BICC1: variants seen among roughly 807,000 people sequenced by gnomAD.
The protein encoded by BICC1 is protein bicaudal C homolog 1.
BICC1 carries 43 observed loss-of-function variants against 111.0 expected under a neutral mutation model. The observed-to-expected ratio is 0.39, with a 90% CI of 0.30 to 0.50. The LOEUF is 0.50. Among genes scored for constraint, BICC1 ranks in the 20% least tolerant of loss-of-function variants. The probability of loss-of-function intolerance (pLI) is 0.88; values close to 1 mark genes in which losing one functional copy is unlikely to be tolerated. For synonymous variants in BICC1, 467 were observed against 434.4 expected (o/e 1.07, Z -0.93); for missense variants, 1,091 against 1,203.2 (o/e 0.91, Z 1.38).
At chr10:58,628,907 T>C (rs1403215132) in intron 2 of BICC1, among the ~76,000 whole-genome samples, 1 of 152,182 alleles carries the variant, frequency 6.6e-6, no homozygotes, top group Non-Finnish European at 1.5e-5. Flanking sequence ...AAGGCCTCCA[T>C]AGATGTCACT....
chr10:58,694,069 G>A (rs1839996959), intron 2 of BICC1, among the ~76,000 whole-genome samples: 1 of 152,042 alleles, frequency 6.6e-6, no homozygotes, highest in Admixed American at 6.6e-5. Context: ...AAGTTCCTAT[G>A]GCTGAGCATC....
At chr10:58,828,701 T>G in intron 20 of BICC1, 60 bp from the exon 21 acceptor site, 1 of 1,564,206 alleles carries the variant, frequency 6.4e-7, no homozygotes, top group Non-Finnish European at 8.7e-7. Context: ...TAGTGCCATG[T>G]CCTGTAGTAT....
intron 1 of BICC1, among the ~76,000 whole-genome samples, chr10:58,612,968 T>C (rs1158349105): frequency 2.0e-5 from 3 of 151,856 alleles, no homozygotes. Context: ...TTTGGGGGGA[T>C]TGTAATAGTT....
chr10:58,729,798 T>C lies in BICC1; in HGVS notation c.307+27655T>C, dbSNP rs1841230368. 2.6e-5 allele frequency among the ~76,000 whole-genome samples: 4 copies of C among 152,312 alleles called. No homozygotes were observed. The South Asian group carries it at 8.3e-4, about 32-fold the overall frequency. On this transcript the variant is annotated intron_variant, in intron 3 of 20. Coordinates refer to ENST00000373886, the MANE Select transcript of BICC1 (RefSeq NM_001080512.3). ...TCTCGCAAGAATTCACTCACTATTG[T>C]GACGACAGTACCAAGGGGGACGCTG...
At chr10:58,685,062 A>G (rs1289997910) in intron 2 of BICC1, among the ~76,000 whole-genome samples, 1 of 152,126 alleles carries the variant, frequency 6.6e-6, no homozygotes, top group East Asian at 1.9e-4. Context: ...AGACTCTGGT[A>G]TGTTGTGTCT....
intron 2 of BICC1, among the ~76,000 whole-genome samples, chr10:58,670,090 T>C (rs1400509536): frequency 2.6e-5 from 4 of 152,184 alleles, no homozygotes; most frequent in East Asian, 3.9e-4. Flanking sequence ...GAGATAATTT[T>C]GCATGGAATA....
intron 2 of BICC1, among the ~76,000 whole-genome samples, chr10:58,695,771 A>G (rs1840049618): frequency 6.6e-6 from 1 of 152,204 alleles, no homozygotes; most frequent in African/African-American, 2.4e-5. Flanking sequence ...TTTAGTGAAC[A>G]TTGGTAGATA....
intron 2 of BICC1, among the ~76,000 whole-genome samples, chr10:58,638,142 T>C (rs149939576): frequency 5.7e-4 from 86 of 152,048 alleles, no homozygotes; most frequent in African/African-American, 2.0e-3. Flanking sequence ...TAAGTCTAGG[T>C]GGTAAGGTTT....
intron 2 of BICC1, among the ~76,000 whole-genome samples, chr10:58,689,545 T>C (rs2132403360): frequency 6.6e-6 from 1 of 152,292 alleles, no homozygotes; most frequent in East Asian, 1.9e-4. Flanking sequence ...CATTTATGAG[T>C]CTGGATTCTG....
intron 2 of BICC1, among the ~76,000 whole-genome samples, chr10:58,688,157 G>A (rs532282337): frequency 6.6e-6 from 1 of 152,194 alleles, no homozygotes; most frequent in East Asian, 1.9e-4. Flanking sequence ...GATTTATTAT[G>A]AAGAGTGAAG....
chr10:58,606,656 CTA>C (rs1280076264), intron 1 of BICC1, among the ~76,000 whole-genome samples: 1 of 152,128 alleles, frequency 6.6e-6, no homozygotes, highest in Non-Finnish European at 1.5e-5. Flanking sequence ...AATTCTGACA[CTA>C]TTCTAATCGC....
intron 1 of BICC1, among the ~76,000 whole-genome samples, chr10:58,523,792 T>C (rs1272602230): frequency 2.0e-5 from 3 of 152,174 alleles, no homozygotes; most frequent in African/African-American, 4.8e-5. Flanking sequence ...CATGATTGTA[T>C]ATCTAGAAAA....
Position 58,780,206 on chromosome 10 carries a change from T to C in BICC1, c.308-4795T>C, listed in dbSNP as rs1431663310. Among the ~76,000 whole-genome samples the C allele has an allele frequency of 2.0e-5, 3 of 152,330 alleles. No individual in the cohort carries two copies. In the East Asian group the frequency reaches 5.8e-4, roughly 29 times the overall value. ...AAGTAAATTCTGTCCACTCATCTGTTTGACAGTTTTGTTTATGTACATAAA... is the reference window on the plus strand; with the variant it reads ...AAGTAAATTCTGTCCACTCATCTGTCTGACAGTTTTGTTTATGTACATAAA... On this transcript the variant is annotated intron_variant, in intron 3 of 20. Coordinates refer to ENST00000373886, the MANE Select transcript of BICC1 (RefSeq NM_001080512.3).
intron 17 of BICC1, among the ~76,000 whole-genome samples, chr10:58,808,421 C>T (rs1424074575): frequency 6.6e-6 from 1 of 152,096 alleles, no homozygotes; most frequent in African/African-American, 2.4e-5. Context: ...GTGAAGTGTG[C>T]CAGATTGTTG....
At position 58,513,101 on chromosome 10, in the gene BICC1, AGAGCGGCGGCGGCAGCGGGAGCCC is replaced by A; in HGVS notation, c.-37_-14del. 8 of 1,331,770 alleles carry A rather than the reference AGAGCGGCGGCGGCAGCGGGAGCCC, an allele frequency of 6.0e-6. No individual in the cohort carries two copies. Among genetic ancestry groups the A allele is most frequent in the Non-Finnish European group, 7.7e-6 (8 of 1,042,090 alleles). The allele number at this position is 1,331,770 out of a possible 1,614,324, so 82.5% of individuals were successfully genotyped here. A position where few individuals can be genotyped will look rare whatever the true frequency, so the allele number is the denominator to read the frequency against. ...GGCGAGCGGAGGCGGCAGCGCAGGC[AGAGCGGCGGCGGCAGCGGGAGCCC>A]GAGCGCTGCGCGCCCACCATGGCCG... is the stretch of plus-strand genomic sequence containing the variant. On this transcript the variant is annotated 5_prime_UTR_variant, in exon 1 of 21. Transcript: ENST00000373886.
At chr10:58,525,958 A>T (rs1842529425) in intron 1 of BICC1, among the ~76,000 whole-genome samples, 1 of 151,412 alleles carries the variant, frequency 6.6e-6, no homozygotes, top group Non-Finnish European at 1.5e-5. Context: ...TTTTATAGTT[A>T]TGAACTACCT....
intron 1 of BICC1, among the ~76,000 whole-genome samples, chr10:58,564,437 C>G (rs1843696330): frequency 6.6e-6 from 1 of 152,166 alleles, no homozygotes; most frequent in Admixed American, 6.5e-5. Flanking sequence ...GATGAAGAAC[C>G]TATTTTATGG....
At chr10:58,684,086 C>T (rs563220948) in intron 2 of BICC1, among the ~76,000 whole-genome samples, 7 of 152,142 alleles carry the variant, frequency 4.6e-5, no homozygotes, top group East Asian at 1.9e-4. Flanking sequence ...TAGCATGAAG[C>T]GCTGTTGAAT....
At chr10:58,661,074 G>T (rs1838827119) in intron 2 of BICC1, among the ~76,000 whole-genome samples, 1 of 152,132 alleles carries the variant, frequency 6.6e-6, no homozygotes, top group African/African-American at 2.4e-5. Flanking sequence ...CATTTCCTCT[G>T]TGGTTTTAGG....
Sources: gnomAD v4.1 joint callset for allele counts (sites outside exome capture counted in the v4.1 genomes callset) on GRCh38, gnomAD v4.1.1 for gene constraint, MANE v1.5 for transcripts, NCBI Gene and HGNC (gene_info 2026-07-23, HGNC 2026-07-21) for gene names.